The following DPP3 variants were observed in gnomAD, a reference collection of about 807,000 sequenced individuals.
The protein encoded by DPP3 is DPP III.
DPP3 carries 64 observed loss-of-function variants against 89.8 expected under a neutral mutation model. The observed-to-expected ratio is 0.71, with a 90% CI of 0.58 to 0.88. The LOEUF (loss-of-function observed/expected upper bound fraction) is 0.88. DPP3 is among the 40% of genes least tolerant of loss of function. DPP3 has a pLI of 0.00. For missense variants in DPP3, 835 were observed against 972.5 expected (o/e 0.86, Z 1.88); for synonymous variants, 377 against 404.3 (o/e 0.93, Z 0.81).
chr11:66,497,873 A>G (rs1855579630), intron 16 of DPP3, among the ~76,000 whole-genome samples: 1 of 151,696 alleles, frequency 6.6e-6, no homozygotes, highest in South Asian at 2.1e-4. Flanking sequence ...CCTGGGTGAC[A>G]GAGTGAGACC....
chr11:66,492,966 CT>C, intron 10 of DPP3, 56 bp downstream of exon 10: 1 of 1,598,772 alleles, frequency 6.3e-7, no homozygotes, highest in South Asian at 1.1e-5. Flanking sequence ...AGAGTCGCCC[CT>C]CCCTGTCCAC....
chr11:66,492,467 TGACCCA>T, intron 9 of DPP3: 2 of 456,878 alleles, frequency 4.4e-6, no homozygotes, highest in South Asian at 8.4e-5. Flanking sequence ...GGCTCAGGGA[TGACCCA>T]GGCCCAGGGA....
chr11:66,502,716 G>A (rs1855710166), intron 16 of DPP3, among the ~76,000 whole-genome samples: 2 of 152,098 alleles, frequency 1.3e-5, no homozygotes, highest in East Asian at 1.9e-4. Flanking sequence ...CACCCGCCTC[G>A]GCCTCCCAAA....
At chr11:66,502,522 T>C (rs560241443) in intron 16 of DPP3, among the ~76,000 whole-genome samples, 3 of 151,538 alleles carry the variant, frequency 2.0e-5, no homozygotes, top group Non-Finnish European at 2.9e-5. Flanking sequence ...CAGGCTGGAG[T>C]GCAGTGGCGT....
At chr11:66,506,744 T>A (rs1224707091) in intron 17 of DPP3, among the ~76,000 whole-genome samples, 1 of 152,114 alleles carries the variant, frequency 6.6e-6, no homozygotes, top group Admixed American at 6.6e-5. Flanking sequence ...GAATAAGCTG[T>A]TCTTGCTGCT....
intron 2 of DPP3, among the ~76,000 whole-genome samples, chr11:66,484,146 T>G (rs984406621): frequency 1.3e-5 from 2 of 152,132 alleles, no homozygotes; most frequent in Non-Finnish European, 2.9e-5. Context: ...CCCAGCTAAT[T>G]TCTGTATTTT....
At chr11:66,487,743 G>A (rs770984142) in intron 5 of DPP3, among the ~76,000 whole-genome samples, 171 bp from the exon 6 acceptor site, 2 of 152,032 alleles carry the variant, frequency 1.3e-5, no homozygotes, top group Admixed American at 6.5e-5. Context: ...CAGGAGAGTC[G>A]GCCCTGGGCT....
At chr11:66,504,904 TG>T in intron 17 of DPP3, 130 bp downstream of exon 17, 1 of 1,025,452 alleles carries the variant, frequency 9.8e-7, no homozygotes, top group Middle Eastern at 3.4e-4. Flanking sequence ...CTTCCCTTTC[TG>T]CCAAGGTCCT....
intron 15 of DPP3, 81 bp from the exon 16 acceptor site, chr11:66,497,217 C>T: frequency 6.6e-7 from 1 of 1,523,874 alleles, no homozygotes; most frequent in East Asian, 2.3e-5. Flanking sequence ...AAGCCTGGGA[C>T]CAAGGACCAA....
chr11:66,509,406 G>C lies in DPP3; in HGVS notation c.*155G>C, dbSNP rs1288441361. The stretch of plus-strand genomic sequence containing the variant: ...GGTGGTGACACAACCCCTTCCATTT[G>C]TCAGCACTTTCCAGCCTGCCAATTG... On this transcript the variant is annotated 3_prime_UTR_variant, in exon 18 of 18. Coordinates refer to ENST00000531863, the MANE Select transcript of DPP3 (RefSeq NM_130443.4). The C allele has an allele frequency of 6.5e-7, 1 of 1,537,010 alleles. No homozygotes were observed. The highest frequency in any genetic ancestry group is 2.0e-5 in the Admixed American group (1 of 50,972).
chr11:66,493,920 A>T (rs1855463334), intron 12 of DPP3, among the ~76,000 whole-genome samples: 1 of 152,148 alleles, frequency 6.6e-6, no homozygotes, highest in South Asian at 2.1e-4. Flanking sequence ...GGGACAGTTC[A>T]GCTGCTGTTC....
intron 8 of DPP3, 34 bp from the exon 9 acceptor site, chr11:66,491,664 G>A (rs1268231601): frequency 6.3e-7 from 1 of 1,583,110 alleles, no homozygotes; most frequent in East Asian, 2.3e-5. Context: ...CCTCCTGCCT[G>A]CCCCTCCTCC....
At position 66,491,755 on chromosome 11, in the gene DPP3, A is replaced by AG; in HGVS notation, c.988+1dup. On this transcript the variant is annotated frameshift_variant and splice_region_variant, in exon 9 of 18. Coordinates refer to ENST00000531863, the MANE Select transcript of DPP3 (RefSeq NM_130443.4). LOFTEE classifies it high-confidence loss of function. Reference sequence around the variant, plus strand: ...CCTTTGGTTCCCGAGGAGAATTTGAAGGTAACTTCCTCAGGGAGGAGGTCA... The same window carrying AG: ...CCTTTGGTTCCCGAGGAGAATTTGAAGGGTAACTTCCTCAGGGAGGAGGTCA... 6.2e-7 allele frequency: 1 copy of AG among 1,613,800 alleles called. No individual in the cohort carries two copies. The highest frequency in any genetic ancestry group is 8.5e-7 in the Non-Finnish European group (1 of 1,179,880).
At chr11:66,499,511 T>A (rs1855627815) in intron 16 of DPP3, among the ~76,000 whole-genome samples, 1 of 152,188 alleles carries the variant, frequency 6.6e-6, no homozygotes, top group Non-Finnish European at 1.5e-5. Context: ...GGTTCACGCC[T>A]GTAATCCCAG....
intron 1 of DPP3, chr11:66,480,775 A>T (rs1039771877): frequency 1.2e-5 from 4 of 321,806 alleles, no homozygotes; most frequent in Non-Finnish European, 2.3e-5. Context: ...CCCGGGTTCC[A>T]ACGGGGCTGT....
intron 15 of DPP3, among the ~76,000 whole-genome samples, chr11:66,496,252 GT>G (rs1565272866): frequency 1.3e-5 from 2 of 152,046 alleles, no homozygotes; most frequent in African/African-American, 2.4e-5. Context: ...TTGTTTGTTC[GT>G]TTTTGTTTTT....
chr11:66,486,245 AT>A (rs1256016251), intron 3 of DPP3, among the ~76,000 whole-genome samples: 2 of 151,564 alleles, frequency 1.3e-5, no homozygotes, highest in Non-Finnish European at 2.9e-5. Flanking sequence ...GTCTGGCCTA[AT>A]TTTTTTTATT....
intron 11 of DPP3, 116 bp from the exon 12 acceptor site, chr11:66,493,425 G>T: frequency 9.3e-7 from 1 of 1,070,012 alleles, no homozygotes; most frequent in Non-Finnish European, 1.4e-6. Context: ...GAGCACAGTT[G>T]GCCTTTACCA....
chr11:66,486,879 C>G (rs1025888570), intron 4 of DPP3, among the ~76,000 whole-genome samples: 2 of 152,138 alleles, frequency 1.3e-5, no homozygotes, highest in Non-Finnish European at 2.9e-5. Flanking sequence ...TGAATGCCCT[C>G]CCAGATCTGA....
Sources: gnomAD v4.1 joint callset for allele counts (sites outside exome capture counted in the v4.1 genomes callset) on GRCh38, gnomAD v4.1.1 for gene constraint, MANE v1.5 for transcripts, NCBI Gene and HGNC (gene_info 2026-07-23, HGNC 2026-07-21) for gene names.